Variants in CASTOR2 observed in about 807,000 individuals in gnomAD.
CASTOR2 encodes cytosolic arginine sensor for mTORC1 subunit 2, also known as GATS protein like 2.
A neutral mutation model predicts 31.2 loss-of-function variants in CASTOR2; 8 were observed. The ratio of observed to expected loss-of-function variants is 0.26; its 90% CI spans 0.15 to 0.46. CASTOR2 has a LOEUF of 0.46. Among genes scored for constraint, CASTOR2 ranks in the 20% least tolerant of loss-of-function variants. CASTOR2 has a pLI of 0.99. For missense variants in CASTOR2, 216 were observed against 382.1 expected (o/e 0.57, Z 3.62); for synonymous variants, 162 against 158.7 (o/e 1.02, Z -0.16).
chr7:74,995,192 G>A (rs1170306050), intron 1 of CASTOR2, among the ~76,000 whole-genome samples: 6 of 152,086 alleles, frequency 3.9e-5, no homozygotes, highest in African/African-American at 1.4e-4. Flanking sequence ...AGGAGATGGG[G>A]ATGAAGGAAG....
At chr7:75,015,806 A>T (rs1400535675) in intron 2 of CASTOR2, among the ~76,000 whole-genome samples, 2 of 151,596 alleles carry the variant, frequency 1.3e-5, no homozygotes, top group African/African-American at 2.4e-5. Context: ...GTGGCTCACG[A>T]TTGTAATCCC....
Position 75,019,006 on chromosome 7 carries a change from G to A in CASTOR2, c.546G>A (p.Pro182=), listed in dbSNP as rs1216767238. Residue 182 remains proline (P), a synonymous_variant, in exon 5 of 9, where the codon CCG becomes CCA. Transcript: ENST00000616305. ...QRPVIHPLSS[P]SNRFCVTSLD... ...CAGTCATCCACCCACTGTCCAGCCC[G>A]AGCAACAGGTTCTGTGTCACCAGCC... The A allele has an allele frequency of 5.2e-6, 8 of 1,551,966 alleles. No individual in the cohort carries two copies. Among genetic ancestry groups the A allele is most frequent in the South Asian group, 3.6e-5 (3 of 84,058 alleles).
At chr7:74,976,982 C>T (rs1274909939) in intron 1 of CASTOR2, among the ~76,000 whole-genome samples, 1 of 149,750 alleles carries the variant, frequency 6.7e-6, no homozygotes, top group Non-Finnish European at 1.5e-5. Flanking sequence ...GTCAGTAGTT[C>T]GAGACCAGCC....
At chr7:75,019,911 A>G in intron 5 of CASTOR2, 128 bp from the exon 6 acceptor site, 1 of 761,916 alleles carries the variant, frequency 1.3e-6, no homozygotes. Flanking sequence ...GAGCAGGATG[A>G]GAAGGACACT....
chr7:75,025,235 T>G lies in CASTOR2; in HGVS notation c.*536T>G, dbSNP rs1805094832. Among the ~76,000 whole-genome samples the G allele has an allele frequency of 6.6e-6, 1 of 152,146 alleles. No homozygotes were observed. ...AGGCCAGCGTGGCCCCCTCAGGTCA[T>G]CGGGGCTGGTGAGGCTCAGACAGGA... is the stretch of plus-strand genomic sequence containing the variant. On this transcript the variant is annotated 3_prime_UTR_variant, in exon 9 of 9. Transcript: ENST00000616305.
intron 1 of CASTOR2, among the ~76,000 whole-genome samples, chr7:75,000,746 C>T (rs1804475945): frequency 6.6e-6 from 1 of 152,078 alleles, no homozygotes; most frequent in Non-Finnish European, 1.5e-5. Flanking sequence ...GCAGTCTCCA[C>T]CTCCCCGGTT....
chr7:75,019,770 C>G (rs1804950048), intron 5 of CASTOR2, among the ~76,000 whole-genome samples: 1 of 152,240 alleles, frequency 6.6e-6, no homozygotes, highest in South Asian at 2.1e-4. Context: ...TGCTGACAGT[C>G]ACCACAGCCT....
chr7:75,002,244 G>T (rs1489852132), intron 1 of CASTOR2, among the ~76,000 whole-genome samples: 1 of 151,890 alleles, frequency 6.6e-6, no homozygotes, highest in Non-Finnish European at 1.5e-5. Flanking sequence ...TTTTACCCCA[G>T]AGGAGATGTT....
rs943331254 is a variant in CASTOR2, at chr7:75,031,227, C to A, written c.*6528C>A. Among the ~76,000 whole-genome samples, 1 of 152,064 alleles carries A rather than the reference C, an allele frequency of 6.6e-6. No individual in the cohort carries two copies. The highest frequency in any genetic ancestry group is 1.5e-5 in the Non-Finnish European group (1 of 67,980). On this transcript the variant is annotated 3_prime_UTR_variant, in exon 9 of 9. Transcript: ENST00000616305. ...GGGCCTCTGCCCTGCCCAGAGCCCC[C>A]ACCATCGTAGTGGGGGCAGGGGACT...
At chr7:74,983,429 C>T (rs1321718586) in intron 1 of CASTOR2, among the ~76,000 whole-genome samples, 49 of 148,144 alleles carry the variant, frequency 3.3e-4, no homozygotes, top group Admixed American at 3.0e-3. Flanking sequence ...CCACCCAGCC[C>T]GTCAGTCCAA....
chr7:74,996,819 C>T (rs1804363464), intron 1 of CASTOR2, among the ~76,000 whole-genome samples: 1 of 147,584 alleles, frequency 6.8e-6, no homozygotes, highest in Admixed American at 6.9e-5. Context: ...ACCTTCGCCT[C>T]CCAGGTTCAA....
chr7:74,998,097 C>T (rs1245386152), intron 1 of CASTOR2, among the ~76,000 whole-genome samples: 2 of 152,054 alleles, frequency 1.3e-5, no homozygotes, highest in Non-Finnish European at 2.9e-5. Flanking sequence ...TTCAGAAAGC[C>T]CCCAACCCAT....
intron 2 of CASTOR2, among the ~76,000 whole-genome samples, chr7:75,009,400 T>TGG: frequency 6.7e-6 from 1 of 148,542 alleles, no homozygotes; most frequent in African/African-American, 2.5e-5. Context: ...CCCGAGTAGC[T>TGG]GGGACTACAG....
chr7:75,023,215 G>A (rs1235876108), intron 7 of CASTOR2, among the ~76,000 whole-genome samples: 2 of 152,264 alleles, frequency 1.3e-5, no homozygotes, highest in South Asian at 4.1e-4. Context: ...GGCTGAGGCA[G>A]GAGAATGGCA....
At chr7:75,018,707 A>G (rs2131954831) in intron 4 of CASTOR2, among the ~76,000 whole-genome samples, 1 of 152,368 alleles carries the variant, frequency 6.6e-6, no homozygotes. Context: ...AGCCTGGAAC[A>G]CAGGTAGGAA....
At chr7:75,001,127 A>G (rs1465667962) in intron 1 of CASTOR2, among the ~76,000 whole-genome samples, 1 of 152,092 alleles carries the variant, frequency 6.6e-6, no homozygotes, top group African/African-American at 2.4e-5. Context: ...CCCAGCCTGG[A>G]GTGCAGTGGT....
chr7:75,009,559 C>T (rs1168157988), intron 2 of CASTOR2, among the ~76,000 whole-genome samples: 37 of 152,042 alleles, frequency 2.4e-4, no homozygotes, highest in East Asian at 1.2e-3. Context: ...TGAGCCACCG[C>T]GCCCGGCCCT....
chr7:75,011,319 C>T (rs1804737991), intron 2 of CASTOR2, among the ~76,000 whole-genome samples: 1 of 151,218 alleles, frequency 6.6e-6, no homozygotes, highest in African/African-American at 2.4e-5. Context: ...GCTCCAGCTA[C>T]TCAGGAGGCT....
chr7:75,009,799 C>G (rs1804696208), intron 2 of CASTOR2, among the ~76,000 whole-genome samples: 1 of 151,786 alleles, frequency 6.6e-6, no homozygotes, highest in Non-Finnish European at 1.5e-5. Flanking sequence ...AGGAAAGATT[C>G]CTCCATGTGG....
Sources: allele counts gnomAD v4.1 joint callset (sites outside exome capture counted in the v4.1 genomes callset), GRCh38; gene constraint gnomAD v4.1.1; transcripts MANE v1.5; gene names NCBI Gene and HGNC (gene_info 2026-07-23, HGNC 2026-07-21).